Variants in ANO7 observed in about 807,000 individuals in gnomAD.
ANO7 encodes the protein anoctamin 7, also known as anoctamin-7.
ANO7 carries 114 observed loss-of-function variants against 115.8 expected under a neutral mutation model. The observed-to-expected ratio is 0.98, with a 90% CI of 0.85 to 1.15. ANO7 has a LOEUF of 1.15. Among genes scored for constraint, ANO7 ranks in the 50% most tolerant of loss-of-function variants. The pLI is 0.00. For missense variants in ANO7, 1,302 were observed against 1,201.2 expected (o/e 1.08, Z -1.24); for synonymous variants, 550 against 498.2 (o/e 1.10, Z -1.38).
chr2:241,216,269 C>T (rs1429950845), intron 19 of ANO7, 31 bp downstream of exon 19: 2 of 1,539,400 alleles, frequency 1.3e-6, no homozygotes, highest in Non-Finnish European at 1.7e-6. Flanking sequence ...GCGGCAATGG[C>T]TGGCGCCGTG....
intron 2 of ANO7, among the ~76,000 whole-genome samples, chr2:241,190,889 C>T (rs2068184190): frequency 1.3e-5 from 2 of 152,350 alleles, no homozygotes; most frequent in Middle Eastern, 3.4e-3. Context: ...TTCCCGCCAA[C>T]CTGACCCTTG....
intron 17 of ANO7, among the ~76,000 whole-genome samples, chr2:241,214,382 G>A (rs138959134): frequency 1.6e-3 from 237 of 152,294 alleles, no homozygotes; most frequent in African/African-American, 5.4e-3. Flanking sequence ...CCTGCAGTGC[G>A]GCCGACACTC....
In ANO7 at chr2:241,203,277, A is replaced by G. The variant is rs1007816798; in HGVS notation, c.724-56A>G. 3.6e-6 allele frequency: 5 copies of G among 1,398,250 alleles called. No homozygotes were observed. In the African/African-American group the frequency reaches 7.4e-5, roughly 21 times the overall value. The allele number at this position is 1,398,250 out of a possible 1,614,324, so 86.6% of individuals were successfully genotyped here. ...ACACTGAAGCCCCTGCACCTACAAC[A>G]GTGCCCAGTGGGGTCAGCTGGGGGA... On this transcript the variant is annotated intron_variant, in intron 8 of 24. Coordinates refer to ENST00000674324, the MANE Select transcript of ANO7 (RefSeq NM_001370694.2). This position sits in a 1 kb window ranked among gnomAD's most constrained non-coding sequence, Gnocchi z 4.8.
chr2:241,215,822 C>T (rs2068816553), intron 18 of ANO7, among the ~76,000 whole-genome samples: 3 of 152,210 alleles, frequency 2.0e-5, no homozygotes, highest in Admixed American at 6.5e-5. Context: ...GAGCCCATTA[C>T]CCCTAAAGCC....
rs12105776 is a variant in ANO7, at chr2:241,188,951, G to A, written c.-8+185G>A. On this transcript the variant is annotated intron_variant, in intron 1 of 24. Transcript: ENST00000674324. The surrounding 1 kb of genome is among the most constrained non-coding windows in gnomAD (Gnocchi z 4.3). The stretch of plus-strand genomic sequence containing the variant: ...CGAGGAGGGACACACACTCAGTGCG[G>A]CTCTGGACGGGGTACACCCAGCTGG... 6.0e-3 allele frequency among the ~76,000 whole-genome samples: 920 copies of A among 152,334 alleles called. 6 individuals carry two copies. The highest frequency in any genetic ancestry group is 0.021 in the African/African-American group (885 of 41,580).
chr2:241,224,000 G>A (rs952312867), intron 24 of ANO7, 45 bp downstream of exon 24: 8 of 1,613,866 alleles, frequency 5.0e-6, no homozygotes, highest in Non-Finnish European at 5.9e-6. Context: ...CACTCCCTGA[G>A]GTCACAGGGC....
chr2:241,199,104 G>A, intron 4 of ANO7: 1 of 540,038 alleles, frequency 1.9e-6, no homozygotes. Context: ...TGTTGCTGGG[G>A]CCGACTCCCA....
chr2:241,189,144 T>C (rs1349298622), intron 1 of ANO7, among the ~76,000 whole-genome samples: 2 of 152,148 alleles, frequency 1.3e-5, no homozygotes, highest in Non-Finnish European at 2.9e-5. Flanking sequence ...CCTCGGGGAC[T>C]TTCCTCCAGG....
Position 241,217,732 on chromosome 2 carries a change from C to T in ANO7, c.2019C>T (p.Leu673=), listed in dbSNP as rs778247161. ...CCATCTTCGTGGCCGCCTGTCCGCT[C>T]GCGCCGCTCTTCGCCCTGCTCAACA... ...FVTIFVAACP[L]APLFALLNNW... Residue 673 remains leucine (L), a synonymous_variant, in exon 20 of 25, where the codon CTC becomes CTT. Coordinates refer to ENST00000674324, the MANE Select transcript of ANO7 (RefSeq NM_001370694.2). 15 of 1,602,418 alleles carry T rather than the reference C, an allele frequency of 9.4e-6. No homozygotes were observed. Among genetic ancestry groups the T allele is most frequent in the Admixed American group, 3.4e-5 (2 of 58,852 alleles).
At chr2:241,233,862 A>C in the ANO7 span, 1 of 1,614,084 alleles carries the variant, frequency 6.2e-7, no homozygotes, top group Non-Finnish European at 8.5e-7. The surrounding 1 kb of genome is among the most constrained non-coding windows in gnomAD (Gnocchi z 4.3). Context: ...TGTTCACGTC[A>C]TGCTCCAACC....
rs572368669 is a variant in ANO7 at position 241,195,766 on chromosome 2, G to A, written c.230G>A (p.Arg77Gln). ...KLDRQQDSAA[R>Q]DRTDMHRTWR... ...GACAGGCAGCAGGACAGTGCCGCCC[G>A]GGACAGAACAGACATGCACAGGACC... The change falls in exon 4 of 25, where the codon CGG becomes CAG. Residue 77 changes from arginine (R) to glutamine (Q), a missense_variant. Arg to Gln is a conservative substitution (Grantham distance 43). Coordinates refer to ENST00000674324, the MANE Select transcript of ANO7 (RefSeq NM_001370694.2). The A allele has an allele frequency of 3.2e-5, 52 of 1,614,252 alleles. No homozygotes were observed. The highest frequency in any genetic ancestry group is 2.0e-4 in the East Asian group (9 of 44,894).
chr2:241,197,021 C>A (rs2068353736), intron 4 of ANO7, among the ~76,000 whole-genome samples: 1 of 152,198 alleles, frequency 6.6e-6, no homozygotes, highest in African/African-American at 2.4e-5. Context: ...TGTATCTTCT[C>A]AACACTTGAT....
chr2:241,199,968 T>A, intron 5 of ANO7, 121 bp from the exon 6 acceptor site: 1 of 1,201,996 alleles, frequency 8.3e-7, no homozygotes, highest in Non-Finnish European at 1.2e-6. Flanking sequence ...ACCACGCTCC[T>A]TCCCTCTGCT....
chr2:241,224,103 T>G lies in ANO7; in HGVS notation c.2590T>G (p.Ser864Ala). 1 of 1,613,886 alleles carries G rather than the reference T, an allele frequency of 6.2e-7. No individual in the cohort carries two copies. Residue 864 changes from serine (S) to alanine (A), a missense_variant, in exon 25 of 25, where the codon TCC becomes GCC. Transcript: ENST00000674324. ...DEQPEGSELSSHWTPFTVPKA... is the reference protein window; with the variant it reads ...DEQPEGSELSAHWTPFTVPKA... ...CCCCCAACCCTCTCCCCAGCTCAGC[T>G]CCCACTGGACACCCTTCACGGTTCC...
the ANO7 span, among the ~76,000 whole-genome samples, chr2:241,238,081 T>C: frequency 6.6e-6 from 1 of 152,210 alleles, no homozygotes; most frequent in South Asian, 2.1e-4. The surrounding 1 kb of genome is among the most constrained non-coding windows in gnomAD (Gnocchi z 4.9). Flanking sequence ...ATACCTTTTG[T>C]TTCACAAATG....
At chr2:241,189,426 G>A (rs1303576886) in intron 1 of ANO7, among the ~76,000 whole-genome samples, 1 of 152,168 alleles carries the variant, frequency 6.6e-6, no homozygotes, top group Non-Finnish European at 1.5e-5. Context: ...GGCCACAGAT[G>A]TCGTGCTCCT....
At position 241,209,620 on chromosome 2, in the gene ANO7, G is replaced by T; in HGVS notation, c.1344G>T (p.Val448=). Residue 448 remains valine (V), a synonymous_variant, in exon 13 of 25, where the codon GTG becomes GTT. Transcript: ENST00000674324. ...SRARRMLAGS[V]VIVVMVAVVV... is the part of the protein sequence containing the mutation. ...CGCGCCGCATGCTGGCCGGCTCTGT[G>T]GTGATCGTGGTGATGGTATGCGGTC... The T allele has an allele frequency of 6.4e-7, 1 of 1,564,716 alleles. No homozygotes were observed.
intron 3 of ANO7, among the ~76,000 whole-genome samples, chr2:241,194,179 A>AT (rs59855055): frequency 0.12 from 14,786 of 123,904 alleles, 1,680 homozygotes; most frequent in East Asian, 0.57. Flanking sequence ...CTGGCCTTTA[A>AT]TTTTTTTTTT....
At chr2:241,239,931 C>G in the ANO7 span, 1 of 1,614,228 alleles carries the variant, frequency 6.2e-7, no homozygotes. This position sits in a 1 kb window ranked among gnomAD's most constrained non-coding sequence, Gnocchi z 4.6. Flanking sequence ...CCAGCTCCTT[C>G]TGTGCCTCTC....
Sources: gnomAD v4.1 joint callset for allele counts (sites outside exome capture counted in the v4.1 genomes callset) on GRCh38, gnomAD v4.1.1 for gene constraint, Gnocchi (gnomAD v3.1) non-coding constraint, MANE v1.5 for transcripts, NCBI Gene and HGNC (gene_info 2026-07-23, HGNC 2026-07-21) for gene names.